The following HOOK3 variants were observed in gnomAD, a reference collection of about 807,000 sequenced individuals.
HOOK3 encodes protein Hook homolog 3.
HOOK3 carries 24 observed loss-of-function variants against 116.3 expected under a neutral mutation model. The observed-to-expected ratio is 0.21, with a 90% confidence interval of 0.15 to 0.29. The LOEUF (loss-of-function observed/expected upper bound fraction) is 0.29. Among genes scored for constraint, HOOK3 ranks in the 10% least tolerant of loss-of-function variants. The probability of loss-of-function intolerance (pLI) is 1.00; values close to 1 mark genes in which losing one functional copy is unlikely to be tolerated. For missense variants in HOOK3, 632 were observed against 830.2 expected (o/e 0.76, Z 2.93); for synonymous variants, 275 against 283.0 (o/e 0.97, Z 0.28).
At chr8:43,001,143 G>A (rs1464323649) in intron 16 of HOOK3, 1 of 151,806 alleles carries the variant, frequency 6.6e-6, no homozygotes, top group Non-Finnish European at 1.5e-5. Context: ...AAGGTAACAG[G>A]GTTATCTTTT....
At chr8:42,936,546 T>C (rs2130373416) in intron 4 of HOOK3, among the ~76,000 whole-genome samples, 1 of 152,332 alleles carries the variant, frequency 6.6e-6, no homozygotes, top group Middle Eastern at 3.4e-3. Flanking sequence ...TAGCTGTTAC[T>C]ATTTTGAGAT....
chr8:42,958,149 T>C (rs963629462), intron 7 of HOOK3, among the ~76,000 whole-genome samples: 77 of 152,172 alleles, frequency 5.1e-4, no homozygotes, highest in African/African-American at 1.8e-3. Context: ...CGCTTCTTAA[T>C]GAAGTGTTAA....
At chr8:42,932,364 T>C (rs1435907776) in intron 4 of HOOK3, among the ~76,000 whole-genome samples, 2 of 152,134 alleles carry the variant, frequency 1.3e-5, no homozygotes, top group Non-Finnish European at 2.9e-5. Context: ...AAGTAGTTTT[T>C]AATAAAGTAT....
rs763537584 is a variant in HOOK3, at chr8:42,962,407, G to GT, written c.616-1887dup. 7.0e-3 allele frequency among the ~76,000 whole-genome samples: 894 copies of GT among 127,594 alleles called. 4 individuals are homozygous for GT. Among genetic ancestry groups the GT allele is most frequent in the East Asian group, 0.016 (70 of 4,460 alleles). 83.7% of individuals were successfully genotyped at this position (127,594 alleles called of 152,430 possible). On this transcript the variant is annotated intron_variant, in intron 8 of 21. Transcript: ENST00000307602. ...GTGACCCACTGCACCTGGCCCGTGTGTTTTTTTTTTTTTTTTTGAAATAGA... is the reference window on the plus strand; with the variant it reads ...GTGACCCACTGCACCTGGCCCGTGTGTTTTTTTTTTTTTTTTTTGAAATAGA...
chr8:42,985,922 C>T (rs150047073), intron 14 of HOOK3, among the ~76,000 whole-genome samples: 24 of 152,146 alleles, frequency 1.6e-4, no homozygotes, highest in Non-Finnish European at 3.2e-4. Flanking sequence ...TTTTCTTTAT[C>T]CACAAGAAGC....
intron 1 of HOOK3, chr8:42,897,422 C>T: frequency 2.7e-6 from 1 of 368,506 alleles, no homozygotes; most frequent in Non-Finnish European, 4.8e-6. Context: ...CGGCGGGCGA[C>T]TCTGGGATCC....
intron 21 of HOOK3, among the ~76,000 whole-genome samples, chr8:43,017,288 G>A (rs2130495789): frequency 6.6e-6 from 1 of 152,220 alleles, no homozygotes; most frequent in East Asian, 1.9e-4. Flanking sequence ...TCGTTTTTGA[G>A]CCAAGTTCTC....
At chr8:42,968,521 G>A (rs551054452) in intron 11 of HOOK3, among the ~76,000 whole-genome samples, 2 of 152,162 alleles carry the variant, frequency 1.3e-5, no homozygotes, top group East Asian at 1.9e-4. Flanking sequence ...GTAAAGACAG[G>A]GTTTCACTGT....
intron 15 of HOOK3, among the ~76,000 whole-genome samples, chr8:42,996,565 C>T (rs73627276): frequency 0.047 from 7,201 of 152,132 alleles, 341 homozygotes; most frequent in African/African-American, 0.12. Context: ...CCTTTTCCCC[C>T]AGTTTCTCTC....
chr8:42,904,964 C>A (rs578178553), intron 1 of HOOK3, among the ~76,000 whole-genome samples: 1 of 152,150 alleles, frequency 6.6e-6, no homozygotes, highest in South Asian at 2.1e-4. Context: ...GATTGATTTC[C>A]GTCTAAATCC....
intron 13 of HOOK3, among the ~76,000 whole-genome samples, chr8:42,975,956 C>T (rs956117443): frequency 1.3e-5 from 2 of 152,112 alleles, no homozygotes; most frequent in South Asian, 2.1e-4. Context: ...CTGCCCACCT[C>T]GGCCTCCCAC....
In HOOK3 at chr8:42,961,985, C is replaced by A. The variant is rs571712196; in HGVS notation, c.616-2326C>A. 5.9e-5 allele frequency among the ~76,000 whole-genome samples: 9 copies of A among 152,142 alleles called. No individual in the cohort carries two copies. In the South Asian group the frequency reaches 1.7e-3, roughly 28 times the overall value. On this transcript the variant is annotated intron_variant, in intron 8 of 21. Transcript: ENST00000307602. ...TATGTTTCGTAGAGTTGGGGTTTTG[C>A]CATATTGCCCAGGCTGGTCTTAAAC... is the stretch of plus-strand genomic sequence containing the variant.
chr8:42,907,816 CA>C (rs71550426), intron 2 of HOOK3, among the ~76,000 whole-genome samples: 6,279 of 46,052 alleles, frequency 0.14, 45 homozygotes, highest in South Asian at 0.21. Flanking sequence ...AGCAACGAGG[CA>C]AAAAAAAAAA....
chr8:42,906,087 C>CAAAAAAAAAAAAAAAAAAAAAA (rs35347216), intron 1 of HOOK3, 86 bp from the exon 2 acceptor site: 1 of 311,398 alleles, frequency 3.2e-6, no homozygotes, highest in African/African-American at 4.6e-5. Flanking sequence ...ACTCCGTCTC[C>CAAAAAAAAAAAAAAAAAAAAAA]AAAAAAAAAA....
Position 42,966,610 on chromosome 8 carries a change from T to A in HOOK3, c.917T>A (p.Leu306Gln). 1 of 1,614,100 alleles carries A rather than the reference T, an allele frequency of 6.2e-7. No homozygotes were observed. Among genetic ancestry groups the A allele is most frequent in the Non-Finnish European group, 8.5e-7 (1 of 1,179,974 alleles). The change falls in exon 10 of 22, where the codon CTG becomes CAG. Residue 306 changes from leucine to glutamine, a missense_variant. Physicochemically the swap from Leu to Gln is moderately radical, Grantham distance 113. Transcript: ENST00000307602. The stretch of plus-strand genomic sequence containing the variant: ...TCTCTGAAAGATGAGATCGACGTGC[T>A]GAGGTAAAAACCTCACCTTCACCGC... ...AQSLKDEIDV[L>Q]RHSSDKVSKL... is the part of the protein sequence containing the mutation.
At chr8:42,981,290 C>G (rs141673431) in intron 13 of HOOK3, among the ~76,000 whole-genome samples, 1 of 151,612 alleles carries the variant, frequency 6.6e-6, no homozygotes, top group African/African-American at 2.4e-5. Context: ...TGAGCTCAAT[C>G]GATCCGCCCA....
In HOOK3 at chr8:43,005,988, C is replaced by T. The variant is rs181038783; in HGVS notation, c.1656-1859C>T. 7.9e-3 allele frequency among the ~76,000 whole-genome samples: 1,195 copies of T among 150,384 alleles called. 17 individuals are homozygous for T. Among genetic ancestry groups the T allele is most frequent in the African/African-American group, 0.027 (1,108 of 40,876 alleles). On this transcript the variant is annotated intron_variant, in intron 17 of 21. Transcript: ENST00000307602. ...GGGATTACAGGTGTGAGCCACCGCA[C>T]CTGGTCTATTTATTTATTTATTTAT...
At chr8:42,992,658 G>T (rs1809188171) in intron 15 of HOOK3, among the ~76,000 whole-genome samples, 1 of 145,048 alleles carries the variant, frequency 6.9e-6, no homozygotes, top group Admixed American at 7.0e-5. Context: ...GGAGGTTGTA[G>T]TGAGCTGAGA....
In HOOK3 at chr8:43,026,242, G is replaced by A. The variant is rs1471331210; in HGVS notation, c.*7744G>A. On this transcript the variant is annotated 3_prime_UTR_variant, in exon 22 of 22. Coordinates refer to ENST00000307602, the MANE Select transcript of HOOK3 (RefSeq NM_032410.4). Reference sequence around the variant, plus strand: ...ACTCCGTGTACATTCTATAGTGTGTGTATTTTATTTAGTGTCTTAATATAT... The same window carrying A: ...ACTCCGTGTACATTCTATAGTGTGTATATTTTATTTAGTGTCTTAATATAT... 1 of 199,866 alleles carries A rather than the reference G, an allele frequency of 5.0e-6. No homozygotes were observed. The highest frequency in any genetic ancestry group is 1.0e-5 in the Non-Finnish European group (1 of 97,012). 12.4% of individuals were successfully genotyped at this position (199,866 alleles called of 1,614,324 possible).
Sources: allele counts gnomAD v4.1 joint callset (sites outside exome capture counted in the v4.1 genomes callset), GRCh38; gene constraint gnomAD v4.1.1; transcripts MANE v1.5; gene names NCBI Gene and HGNC (gene_info 2026-07-23, HGNC 2026-07-21).